Variants in INTS13 observed in about 807,000 individuals in gnomAD.
The protein encoded by INTS13 is integrator complex subunit 13.
A neutral mutation model predicts 90.2 loss-of-function variants in INTS13; 35 were observed. The ratio of observed to expected loss-of-function variants is 0.39; its 90% CI spans 0.30 to 0.51. The LOEUF (loss-of-function observed/expected upper bound fraction) is 0.51. Ranked by LOEUF, INTS13 falls within the 20% of genes least tolerant of loss-of-function variation. INTS13 has a pLI of 0.80. For synonymous variants in INTS13, 309 were observed against 277.1 expected (o/e 1.11, Z -1.14); for missense variants, 601 against 851.2 (o/e 0.71, Z 3.66).
Position 26,934,538 on chromosome 12 carries a change from C to G in INTS13, c.300+18G>C, listed in dbSNP as rs554857926. The G allele has an allele frequency of 6.4e-7, 1 of 1,571,182 alleles. No individual in the cohort carries two copies. The highest frequency in any genetic ancestry group is 2.2e-5 in the East Asian group (1 of 44,662). On this transcript the variant is annotated intron_variant, in intron 3 of 16. Transcript: ENST00000261191. ...TTAGATAATTTACAAATGGCCACAGCTCAAAATCTAACCATACCTCCTGTA... is the reference window on the plus strand; with the variant it reads ...TTAGATAATTTACAAATGGCCACAGGTCAAAATCTAACCATACCTCCTGTA...
Position 26,914,298 on chromosome 12 carries a change from A to G in INTS13, c.1419+110T>C, listed in dbSNP as rs951102550. The G allele has an allele frequency of 1.0e-5, 13 of 1,253,700 alleles. No individual in the cohort carries two copies. The Admixed American group carries it at 2.5e-4, about 24-fold the overall frequency. 77.7% of individuals were successfully genotyped at this position (1,253,700 alleles called of 1,614,324 possible). A position where few individuals can be genotyped will look rare whatever the true frequency, so the allele number is the denominator to read the frequency against. Reference sequence around the variant, plus strand: ...AATTCTTTAACTTTAGCAAGCTCATATATTTCATTCTTTGCTTAAGAAATG... The same window carrying G: ...AATTCTTTAACTTTAGCAAGCTCATGTATTTCATTCTTTGCTTAAGAAATG... On this transcript the variant is annotated intron_variant, in intron 12 of 16. Coordinates refer to ENST00000261191, the MANE Select transcript of INTS13 (RefSeq NM_018164.3).
At chr12:26,923,461 A>G (rs914767887) in intron 7 of INTS13, among the ~76,000 whole-genome samples, 17 of 152,328 alleles carry the variant, frequency 1.1e-4, no homozygotes, top group African/African-American at 4.1e-4. Flanking sequence ...TTCATAATAT[A>G]GTGGCAGAAA....
At chr12:26,921,469 G>C (rs569369675) in intron 8 of INTS13, among the ~76,000 whole-genome samples, 2 of 152,080 alleles carry the variant, frequency 1.3e-5, no homozygotes, top group Non-Finnish European at 2.9e-5. Flanking sequence ...AGTCTTTTCC[G>C]AAGTAAATTC....
At chr12:26,917,039 A>G (rs985548777) in intron 10 of INTS13, among the ~76,000 whole-genome samples, 1 of 152,154 alleles carries the variant, frequency 6.6e-6, no homozygotes, top group African/African-American at 2.4e-5. Context: ...AAACAAATCA[A>G]TTTAGACTCT....
At chr12:26,932,285 T>C (rs1471478294) in intron 3 of INTS13, among the ~76,000 whole-genome samples, 2 of 151,938 alleles carry the variant, frequency 1.3e-5, no homozygotes, top group Admixed American at 1.3e-4. Context: ...AAAGGCAAAA[T>C]AATCCAGGAG....
chr12:26,916,372 C>T (rs1951936056), intron 10 of INTS13, among the ~76,000 whole-genome samples, 192 bp from the exon 11 acceptor site: 2 of 152,154 alleles, frequency 1.3e-5, no homozygotes, highest in South Asian at 2.1e-4. Context: ...CTCAGTTACT[C>T]CAAGGTTACA....
chr12:26,911,342 T>C (rs1323604161), intron 14 of INTS13, 25 bp from the exon 15 acceptor site: 2 of 1,581,448 alleles, frequency 1.3e-6, no homozygotes, highest in Non-Finnish European at 8.6e-7. Context: ...AATAATGAAA[T>C]GTAAAGTTCA....
intron 6 of INTS13, among the ~76,000 whole-genome samples, chr12:26,925,164 C>T (rs1341798200): frequency 6.6e-6 from 1 of 151,928 alleles, no homozygotes; most frequent in Non-Finnish European, 1.5e-5. Context: ...CACTTAACTA[C>T]AAAAATTCAT....
intron 3 of INTS13, among the ~76,000 whole-genome samples, chr12:26,930,650 G>A (rs901449132): frequency 1.3e-5 from 2 of 152,148 alleles, no homozygotes; most frequent in Non-Finnish European, 2.9e-5. Context: ...ATGGGATATC[G>A]TGTACCTTCA....
rs757231832 is a variant in INTS13, at chr12:26,906,441, G to A, written c.1946-4C>T. On this transcript the variant is annotated splice_region_variant and splice_polypyrimidine_tract_variant and intron_variant, in intron 15 of 16. Coordinates refer to ENST00000261191, the MANE Select transcript of INTS13 (RefSeq NM_018164.3). ...AAGGATAATAACGACACTGGCCCTA[G>A]TGTTATATTTAAAAGGAGAGAGAAA... 2 of 1,597,108 alleles carry A rather than the reference G, an allele frequency of 1.3e-6. No individual in the cohort carries two copies. Among genetic ancestry groups the A allele is most frequent in the Non-Finnish European group, 1.7e-6 (2 of 1,175,080 alleles).
At position 26,917,338 on chromosome 12, in the gene INTS13, ATAATT is replaced by A. The variant is rs1565823345; in HGVS notation, c.1069+9_1069+13del. ...AAATAATTTCAGTCAAAACCATTAAATAATTAAAGTTACCATTTAGAAGAAAATTA... is the reference window on the plus strand; with the variant it reads ...AAATAATTTCAGTCAAAACCATTAAAAAAGTTACCATTTAGAAGAAAATTA... On this transcript the variant is annotated intron_variant, in intron 10 of 16. Coordinates refer to ENST00000261191, the MANE Select transcript of INTS13 (RefSeq NM_018164.3). 9.2e-7 allele frequency: 1 copy of A among 1,091,066 alleles called. No individual in the cohort carries two copies. Among genetic ancestry groups the A allele is most frequent in the Admixed American group, 2.4e-5 (1 of 41,450 alleles). The allele number at this position is 1,091,066 out of a possible 1,614,324, so 67.6% of individuals were successfully genotyped here.
At chr12:26,929,367 C>T (rs889483121) in intron 3 of INTS13, among the ~76,000 whole-genome samples, 2 of 152,106 alleles carry the variant, frequency 1.3e-5, no homozygotes, top group African/African-American at 4.8e-5. Flanking sequence ...TTACTCTCAT[C>T]ACTTCCATTC....
chr12:26,935,751 A>G (rs1938425788), intron 2 of INTS13, among the ~76,000 whole-genome samples: 1 of 152,230 alleles, frequency 6.6e-6, no homozygotes, highest in African/African-American at 2.4e-5. Flanking sequence ...AATTTGGAAT[A>G]TATGTGAATG....
At chr12:26,932,221 G>C (rs527253422) in intron 3 of INTS13, among the ~76,000 whole-genome samples, 3 of 152,284 alleles carry the variant, frequency 2.0e-5, no homozygotes, top group Non-Finnish European at 4.4e-5. Context: ...TGAAGGAGTG[G>C]TGATGAACTT....
chr12:26,928,428 A>C (rs1047245391), intron 4 of INTS13, 143 bp from the exon 5 acceptor site: 1 of 707,690 alleles, frequency 1.4e-6, no homozygotes, highest in Non-Finnish European at 2.3e-6. Flanking sequence ...AAGTCATACC[A>C]CTAAACAACT....
chr12:26,924,284 C>T (rs745883980), intron 7 of INTS13, 71 bp downstream of exon 7: 28 of 1,525,394 alleles, frequency 1.8e-5, no homozygotes, highest in South Asian at 6.1e-5. Context: ...TGAGCTACCA[C>T]GCCTGGCCTC....
At chr12:26,917,513 A>C in intron 9 of INTS13, 72 bp from the exon 10 acceptor site, 1 of 1,270,526 alleles carries the variant, frequency 7.9e-7, no homozygotes, top group Non-Finnish European at 1.1e-6. Flanking sequence ...AAGAAAAAAA[A>C]ACTTCTTCAC....
intron 11 of INTS13, 53 bp from the exon 12 acceptor site, chr12:26,914,631 T>C (rs1592204305): frequency 2.8e-6 from 4 of 1,410,940 alleles, no homozygotes; most frequent in Non-Finnish European, 3.9e-6. Flanking sequence ...TGTTTCAGTA[T>C]GGATTACATG....
rs1938004951 is a variant in INTS13 at position 26,928,405 on chromosome 12, T to A, written c.504-120A>T. ...TTTAAAGTTACTTCACTAAGGACTA[T>A]CTTTAGTGTGCTAAGTCATACCACT... is the stretch of plus-strand genomic sequence containing the variant. On this transcript the variant is annotated intron_variant, in intron 4 of 16. Transcript: ENST00000261191. 1.5e-5 allele frequency: 12 copies of A among 808,636 alleles called. No individual in the cohort carries two copies. In the Middle Eastern group the frequency reaches 1.0e-3, roughly 69 times the overall value. The allele number at this position is 808,636 out of a possible 1,614,324, so 50.1% of individuals were successfully genotyped here.
Sources: gnomAD v4.1 joint callset for allele counts (sites outside exome capture counted in the v4.1 genomes callset) on GRCh38, gnomAD v4.1.1 for gene constraint, MANE v1.5 for transcripts, NCBI Gene and HGNC (gene_info 2026-07-23, HGNC 2026-07-21) for gene names.